OC90: variants seen among roughly 807,000 people sequenced by gnomAD.
OC90 encodes the protein otoconin 90.
In OC90, 46 loss-of-function variants were observed where a neutral mutation model predicts 47.3. The observed-to-expected ratio is 0.97, with a 90% confidence interval of 0.77 to 1.24. The LOEUF is 1.24. OC90 is among the 50% of genes most tolerant of loss of function. The pLI, the probability that OC90 is intolerant of heterozygous loss-of-function variation, is 0.00. For missense variants in OC90, 688 were observed against 583.9 expected, an observed-to-expected ratio of 1.18 and a Z score of -1.84; for synonymous variants, 271 against 219.5, an observed-to-expected ratio of 1.23 and a Z score of -2.07.
At chr8:132,041,757 C>G in intron 4 of OC90, 58 bp from the exon 5 acceptor site, 1 of 1,058,110 alleles carries the variant, frequency 9.5e-7, no homozygotes, top group Non-Finnish European at 1.4e-6. Flanking sequence ...AGGAGGGCGT[C>G]CCTGTCCCCT....
intron 12 of OC90, among the ~76,000 whole-genome samples, chr8:132,029,822 G>C (rs1425335662): frequency 6.6e-6 from 1 of 152,190 alleles, no homozygotes; most frequent in Non-Finnish European, 1.5e-5. Context: ...CCCTTGCCAG[G>C]TGGACATCCT....
intron 4 of OC90, among the ~76,000 whole-genome samples, chr8:132,042,142 C>T (rs1823063295): frequency 6.8e-6 from 1 of 147,912 alleles, no homozygotes; most frequent in African/African-American, 2.5e-5. Context: ...TTTTGATCTA[C>T]ACCTTTTTTC....
chr8:132,049,374 A>G (rs1051882681), intron 2 of OC90, among the ~76,000 whole-genome samples: 12 of 152,178 alleles, frequency 7.9e-5, no homozygotes, highest in African/African-American at 2.9e-4. Context: ...CTGGAAAAAG[A>G]TCCTGTCCAA....
chr8:132,042,563 T>G (rs778182513), intron 4 of OC90, among the ~76,000 whole-genome samples: 9 of 152,306 alleles, frequency 5.9e-5, no homozygotes, highest in Non-Finnish European at 8.8e-5. Context: ...CCAGCGTTTA[T>G]TGTTCCCGTC....
At chr8:132,058,491 G>T (rs1053472778) in intron 1 of OC90, among the ~76,000 whole-genome samples, 12 of 152,328 alleles carry the variant, frequency 7.9e-5, no homozygotes, top group Middle Eastern at 3.4e-3. Context: ...TCTCATGGCT[G>T]CATAGCCAGT....
chr8:132,028,645 A>T (rs1822809471), intron 13 of OC90, among the ~76,000 whole-genome samples: 1 of 112,614 alleles, frequency 8.9e-6, no homozygotes, highest in African/African-American at 3.2e-5. Flanking sequence ...AAAGAAAGGA[A>T]GGAAGGAAGA....
chr8:132,058,478 C>G (rs899677494), intron 1 of OC90, among the ~76,000 whole-genome samples: 1 of 152,186 alleles, frequency 6.6e-6, no homozygotes, highest in Non-Finnish European at 1.5e-5. Flanking sequence ...TCCCAATGGC[C>G]GGTCTCATGG....
chr8:132,026,903 C>T (rs1398167344), intron 13 of OC90, among the ~76,000 whole-genome samples: 1 of 152,188 alleles, frequency 6.6e-6, no homozygotes, highest in Non-Finnish European at 1.5e-5. Flanking sequence ...TCACCTTGCA[C>T]TACAACTGGG....
chr8:132,034,036 A>T (rs1822917073), intron 10 of OC90, among the ~76,000 whole-genome samples: 1 of 152,158 alleles, frequency 6.6e-6, no homozygotes, highest in African/African-American at 2.4e-5. Context: ...CCCTGTTGTA[A>T]TCTCAGTCTC....
chr8:132,034,968 A>G (rs1200953200), intron 9 of OC90, 134 bp from the exon 10 acceptor site: 1 of 628,790 alleles, frequency 1.6e-6, no homozygotes, highest in African/African-American at 1.8e-5. Context: ...ACTTCCCACC[A>G]TGAGATTTCC....
At chr8:132,034,672 C>A (rs1053644365) in intron 10 of OC90, 109 bp downstream of exon 10, 4 of 734,760 alleles carry the variant, frequency 5.4e-6, no homozygotes, top group Non-Finnish European at 2.3e-6. Flanking sequence ...CCCATGCTGA[C>A]AAGGTCATGG....
At chr8:132,057,727 G>C (rs879822972) in intron 1 of OC90, among the ~76,000 whole-genome samples, 1 of 152,216 alleles carries the variant, frequency 6.6e-6, no homozygotes, top group Admixed American at 6.5e-5. Context: ...ACATTTCATG[G>C]ATTAGGTCAT....
At chr8:132,024,878 T>C (rs559600098) in intron 13 of OC90, 102 bp from the exon 14 acceptor site, 22 of 960,814 alleles carry the variant, frequency 2.3e-5, no homozygotes, top group East Asian at 5.2e-5. Flanking sequence ...TTCCTCCCCA[T>C]CTTCCACACA....
chr8:132,052,518 A>G (rs1430400347), intron 2 of OC90, among the ~76,000 whole-genome samples: 2 of 152,234 alleles, frequency 1.3e-5, no homozygotes, highest in Non-Finnish European at 2.9e-5. Context: ...GATGTTAATA[A>G]GGTGTGCTTT....
At chr8:132,033,837 AAG>A (rs548571040) in intron 10 of OC90, among the ~76,000 whole-genome samples, 118 of 152,330 alleles carry the variant, frequency 7.7e-4, no homozygotes, top group African/African-American at 2.1e-3. Flanking sequence ...AGTACAGGGA[AAG>A]AGAACAGCAG....
chr8:132,024,433 G>A lies in OC90; in HGVS notation c.*48C>T. 2 of 1,381,968 alleles carry A rather than the reference G, an allele frequency of 1.4e-6. No homozygotes were observed. The highest frequency in any genetic ancestry group is 2.0e-6 in the Non-Finnish European group (2 of 1,014,762). The allele number at this position is 1,381,968 out of a possible 1,614,324, so 85.6% of individuals were successfully genotyped here. On this transcript the variant is annotated 3_prime_UTR_variant, in exon 14 of 14. Coordinates refer to ENST00000254627, the MANE Select transcript of OC90 (RefSeq NM_001080399.3). ...GGCTGAGAGATAAAGAGCTGAAGGTGGAGCAGGAGCCACGCTACTGAAGGT... is the reference window on the plus strand; with the variant it reads ...GGCTGAGAGATAAAGAGCTGAAGGTAGAGCAGGAGCCACGCTACTGAAGGT...
At chr8:132,044,928 G>A (rs999008169) in intron 3 of OC90, among the ~76,000 whole-genome samples, 3 of 152,184 alleles carry the variant, frequency 2.0e-5, no homozygotes, top group Non-Finnish European at 2.9e-5. Context: ...TCATACAGCT[G>A]CTCCACATAA....
rs200539360 is a variant in OC90 at position 132,024,619 on chromosome 8, C to T, written c.1296G>A (p.Val432=). 1.2e-4 allele frequency: 194 copies of T among 1,613,608 alleles called. No homozygotes were observed. The East Asian group carries it at 3.6e-3, about 30-fold the overall frequency. ...PAACEDSLHP[V]PAAPTLGSSS... is the part of the protein sequence containing the mutation. ...TGGAGCCCAGGGTGGGGGCTGCGGGCACAGGGTGCAGGCTGTCTTCACAGG... is the reference window on the plus strand; with the variant it reads ...TGGAGCCCAGGGTGGGGGCTGCGGGTACAGGGTGCAGGCTGTCTTCACAGG... The change falls in exon 14 of 14, where the codon GTG becomes GTA. Residue 432 remains valine, a synonymous_variant. Transcript: ENST00000254627.
intron 13 of OC90, among the ~76,000 whole-genome samples, chr8:132,028,593 A>AGGAAGGAAGGAAGGAAGGAG (rs1563727447): frequency 1.4e-4 from 5 of 35,668 alleles, no homozygotes; most frequent in East Asian, 1.4e-3. Flanking sequence ...GAAGGAAGGA[A>AGGAAGGAAGGAAGGAAGGAG]GGAAGGAGGG....
Sources: gnomAD v4.1 joint callset for allele counts (sites outside exome capture counted in the v4.1 genomes callset) on GRCh38, gnomAD v4.1.1 for gene constraint, MANE v1.5 for transcripts, NCBI Gene and HGNC (gene_info 2026-07-23, HGNC 2026-07-21) for gene names.